Variants in PITPNM2 observed in about 807,000 individuals in gnomAD.
PITPNM2 encodes membrane-associated phosphatidylinositol transfer protein 2.
Under a neutral mutation model 132.2 loss-of-function variants are expected in PITPNM2, and 35 were observed. The ratio of observed to expected loss-of-function variants is 0.26; its 90% confidence interval spans 0.20 to 0.35. The LOEUF (loss-of-function observed/expected upper bound fraction) is 0.35. Among genes scored for constraint, PITPNM2 ranks in the 10% least tolerant of loss-of-function variants. The pLI is 1.00. For missense variants in PITPNM2, 1,332 were observed against 1,912.0 expected (o/e 0.70, Z 5.66); for synonymous variants, 738 against 799.2 (o/e 0.92, Z 1.29).
intron 3 of PITPNM2, 45 bp downstream of exon 3, chr12:123,034,468 G>A (rs761311242): frequency 1.8e-5 from 28 of 1,567,228 alleles, no homozygotes; most frequent in African/African-American, 6.8e-5. Context: ...GTGCGCTGGC[G>A]CGACCCACCC....
intron 8 of PITPNM2, among the ~76,000 whole-genome samples, chr12:123,003,650 G>T (rs2038792381): frequency 6.6e-6 from 1 of 152,254 alleles, no homozygotes; most frequent in African/African-American, 2.4e-5. Context: ...AGCCACAGTG[G>T]TGACATGAGA....
chr12:123,143,730 A>G (rs183510892), intron 1 of PITPNM2, among the ~76,000 whole-genome samples: 18 of 152,314 alleles, frequency 1.2e-4, no homozygotes, highest in African/African-American at 4.1e-4. Context: ...TCCTACCTGT[A>G]GACTTGAGCA....
chr12:122,991,838 G>A (rs773615349), intron 16 of PITPNM2: 7 of 1,305,312 alleles, frequency 5.4e-6, no homozygotes, highest in Non-Finnish European at 5.8e-6. Flanking sequence ...GTCCCCGTGG[G>A]GGAGAGGGGC....
intron 5 of PITPNM2, among the ~76,000 whole-genome samples, chr12:123,012,382 C>T (rs1394944956): frequency 6.6e-6 from 1 of 152,170 alleles, no homozygotes; most frequent in Non-Finnish European, 1.5e-5. Context: ...AGGGAAGCAG[C>T]TCTGGGTGGA....
At chr12:123,055,231 G>A (rs2040984795) in intron 2 of PITPNM2, among the ~76,000 whole-genome samples, 1 of 152,166 alleles carries the variant, frequency 6.6e-6, no homozygotes, top group African/African-American at 2.4e-5. Context: ...ATCTGGTCAG[G>A]AGAAAGACGC....
In PITPNM2 at chr12:123,106,955, C is replaced by T. The variant is rs977048297; in HGVS notation, c.-96+3430G>A. Among the ~76,000 whole-genome samples the T allele has an allele frequency of 2.6e-5, 4 of 152,232 alleles. No individual in the cohort carries two copies. The highest frequency in any genetic ancestry group is 4.4e-5 in the Non-Finnish European group (3 of 68,040). ...GAGGGACTAGGAAGCAAGGCCCTCG[C>T]TGCAGGTAGGGCTCTGCTGCTGCTA... On this transcript the variant is annotated intron_variant, in intron 2 of 25. Transcript: ENST00000320201. This position sits in a 1 kb window ranked among gnomAD's most constrained non-coding sequence, Gnocchi z 4.4.
Position 123,000,273 on chromosome 12 carries a change from C to T in PITPNM2, c.1224+505G>A. Reference sequence around the variant, plus strand: ...TGGAGGAGGATGGGGCATGAACTCCCACAGAGAACCCCCGAAGCGGATACA... The same window carrying T: ...TGGAGGAGGATGGGGCATGAACTCCTACAGAGAACCCCCGAAGCGGATACA... On this transcript the variant is annotated intron_variant, in intron 10 of 25. Coordinates refer to ENST00000320201, the MANE Select transcript of PITPNM2 (RefSeq NM_020845.3). This position sits in a 1 kb window ranked among gnomAD's most constrained non-coding sequence, Gnocchi z 5.4. The T allele has an allele frequency of 1.6e-6, 1 of 620,344 alleles. No individual in the cohort carries two copies. The highest frequency in any genetic ancestry group is 2.9e-6 in the Non-Finnish European group (1 of 346,660). 38.4% of individuals were successfully genotyped at this position (620,344 alleles called of 1,614,324 possible). A position where few individuals can be genotyped will look rare whatever the true frequency, so the allele number is the denominator to read the frequency against.
intron 1 of PITPNM2, among the ~76,000 whole-genome samples, chr12:123,129,169 C>T (rs1244955083): frequency 1.3e-5 from 2 of 151,512 alleles, no homozygotes; most frequent in Non-Finnish European, 2.9e-5. Flanking sequence ...GGCATGGTGG[C>T]GCACACTTGT....
chr12:122,998,971 C>G (rs1304073316), intron 10 of PITPNM2, among the ~76,000 whole-genome samples: 1 of 152,136 alleles, frequency 6.6e-6, no homozygotes, highest in Non-Finnish European at 1.5e-5. Flanking sequence ...ATTAGCCAGG[C>G]ATGGTTGTGC....
chr12:123,068,427 G>A (rs1005023167), intron 2 of PITPNM2, among the ~76,000 whole-genome samples: 4 of 151,780 alleles, frequency 2.6e-5, no homozygotes, highest in Non-Finnish European at 4.4e-5. Context: ...CAGCCTGGGC[G>A]ACAGAGCGAG....
intron 6 of PITPNM2, among the ~76,000 whole-genome samples, chr12:123,006,738 TAA>T (rs2136207856): frequency 6.7e-6 from 1 of 149,480 alleles, no homozygotes; most frequent in South Asian, 2.1e-4. Flanking sequence ...ATAATAATAA[TAA>T]TAATAATAAT....
At position 123,008,437 on chromosome 12, in the gene PITPNM2, C is replaced by G. The variant is rs562644784; in HGVS notation, c.643+1413G>C. On this transcript the variant is annotated intron_variant, in intron 6 of 25. Coordinates refer to ENST00000320201, the MANE Select transcript of PITPNM2 (RefSeq NM_020845.3). The surrounding 1 kb of genome is among the most constrained non-coding windows in gnomAD (Gnocchi z 4.1). Reference sequence around the variant, plus strand: ...GAAGGGCGGTAGGGGACGCCCTGCCCAGGATAGGGGAGCCCCTCCCAGTCC... The same window carrying G: ...GAAGGGCGGTAGGGGACGCCCTGCCGAGGATAGGGGAGCCCCTCCCAGTCC... Among the ~76,000 whole-genome samples, 11 of 152,294 alleles carry G rather than the reference C, an allele frequency of 7.2e-5. No individual in the cohort carries two copies. Among genetic ancestry groups the G allele is most frequent in the African/African-American group, 2.6e-4 (11 of 41,560 alleles).
intron 2 of PITPNM2, among the ~76,000 whole-genome samples, chr12:123,063,742 T>A (rs1178551287): frequency 6.6e-6 from 1 of 152,148 alleles, no homozygotes; most frequent in Non-Finnish European, 1.5e-5. Flanking sequence ...GTCACAGCAT[T>A]GCAGGCAGAA....
intron 2 of PITPNM2, among the ~76,000 whole-genome samples, chr12:123,039,142 G>C (rs2040375276): frequency 6.6e-6 from 1 of 152,178 alleles, no homozygotes; most frequent in Non-Finnish European, 1.5e-5. Context: ...GCACGGCCGG[G>C]CTGCATCCTG....
Position 122,992,681 on chromosome 12 carries a change from G to A in PITPNM2, c.2234-12C>T. The stretch of plus-strand genomic sequence containing the variant: ...CCGCAGCTGGAAAACTGGGGGTGGG[G>A]GTGTTGGCTGCAGAGCTGGGGCTGG... On this transcript the variant is annotated splice_polypyrimidine_tract_variant and intron_variant, in intron 15 of 25. Coordinates refer to ENST00000320201, the MANE Select transcript of PITPNM2 (RefSeq NM_020845.3). The surrounding 1 kb of genome is among the most constrained non-coding windows in gnomAD (Gnocchi z 6.5). 6.5e-7 allele frequency: 1 copy of A among 1,548,768 alleles called. No homozygotes were observed. Among genetic ancestry groups the A allele is most frequent in the Admixed American group, 1.8e-5 (1 of 54,330 alleles).
intron 1 of PITPNM2, among the ~76,000 whole-genome samples, chr12:123,123,995 C>T (rs945917992): frequency 6.6e-6 from 1 of 151,824 alleles, no homozygotes; most frequent in African/African-American, 2.4e-5. Flanking sequence ...GTGGCTCACA[C>T]CTGTAATCCC....
chr12:123,038,007 C>A (rs573231591), intron 2 of PITPNM2, among the ~76,000 whole-genome samples: 1 of 152,092 alleles, frequency 6.6e-6, no homozygotes, highest in South Asian at 2.1e-4. Context: ...AGAGGGAACA[C>A]ACACCTGGAG....
At chr12:123,100,650 C>T (rs2042542721) in intron 2 of PITPNM2, among the ~76,000 whole-genome samples, 1 of 151,952 alleles carries the variant, frequency 6.6e-6, no homozygotes, top group Non-Finnish European at 1.5e-5. Flanking sequence ...AATCATGCAG[C>T]ACTGACATAT....
At position 123,005,441 on chromosome 12, in the gene PITPNM2, G is replaced by A. The variant is rs746184449; in HGVS notation, c.751C>T (p.Leu251Phe). The A allele has an allele frequency of 1.9e-6, 3 of 1,614,126 alleles. No individual in the cohort carries two copies. The highest frequency in any genetic ancestry group is 2.5e-6 in the Non-Finnish European group (3 of 1,180,024). The change falls in exon 7 of 26, where the codon CTC becomes TTC. Residue 251 changes from leucine to phenylalanine, a missense_variant. Around this residue, in one of 6 missense-constraint regions of PITPNM2, gnomAD observed 122 missense variants for 209.6 expected, o/e 0.58. Transcript: ENST00000320201. The surrounding 1 kb of genome is among the most constrained non-coding windows in gnomAD (Gnocchi z 6.2). ...TGGGCCATCTTACGGGAAAGCATGAGCTGTGCCTCCTTCTCCAGCTCCCGG... is the reference window on the plus strand; with the variant it reads ...TGGGCCATCTTACGGGAAAGCATGAACTGTGCCTCCTTCTCCAGCTCCCGG... ...NIRELEKEAQ[L>F]MLSRKMAQFN...
Sources: gnomAD v4.1 joint callset for allele counts (sites outside exome capture counted in the v4.1 genomes callset) on GRCh38, gnomAD v4.1.1 for gene constraint, gnomAD v4.1.1 regional missense constraint, Gnocchi (gnomAD v3.1) non-coding constraint, MANE v1.5 for transcripts, NCBI Gene and HGNC (gene_info 2026-07-23, HGNC 2026-07-21) for gene names.